MRTFA: variants seen among roughly 807,000 people sequenced by gnomAD.
MRTFA encodes myocardin related transcription factor A.
MRTFA carries 20 observed loss-of-function variants against 83.5 expected under a neutral mutation model. The observed-to-expected ratio is 0.24, with a 90% confidence interval of 0.17 to 0.35. The LOEUF (loss-of-function observed/expected upper bound fraction) is 0.35. Ranked by LOEUF, MRTFA falls within the 10% of genes least tolerant of loss-of-function variation. The pLI, the probability that MRTFA is intolerant of heterozygous loss-of-function variation, is 1.00. For missense variants in MRTFA, 1,200 were observed against 1,224.7 expected (o/e 0.98, Z 0.30); for synonymous variants, 659 against 541.2 (o/e 1.22, Z -3.02).
chr22:40,506,733 T>G (rs1202591410), intron 3 of MRTFA, among the ~76,000 whole-genome samples: 1 of 152,202 alleles, frequency 6.6e-6, no homozygotes, highest in South Asian at 2.1e-4. Flanking sequence ...TGTTTTTCTA[T>G]ATACCATGTC....
At chr22:40,436,484 A>G (rs1439270035) in intron 4 of MRTFA, among the ~76,000 whole-genome samples, 2 of 152,186 alleles carry the variant, frequency 1.3e-5, no homozygotes, top group Non-Finnish European at 2.9e-5. Flanking sequence ...GAACACACAC[A>G]ACCGACAGCT....
chr22:40,494,848 G>T (rs982726671), intron 3 of MRTFA, among the ~76,000 whole-genome samples: 1 of 152,136 alleles, frequency 6.6e-6, no homozygotes, highest in Non-Finnish European at 1.5e-5. Context: ...GCAGAAATCA[G>T]ATCAGTGATT....
At chr22:40,607,645 A>C (rs2056334027) in intron 1 of MRTFA, among the ~76,000 whole-genome samples, 1 of 152,252 alleles carries the variant, frequency 6.6e-6, no homozygotes, top group African/African-American at 2.4e-5. Flanking sequence ...AAGCCTTCCC[A>C]ACAGCTGAGC....
At chr22:40,429,224 A>G in intron 7 of MRTFA, 1 of 590,244 alleles carries the variant, frequency 1.7e-6, no homozygotes, top group Non-Finnish European at 3.0e-6. Flanking sequence ...AGTCTCCAAG[A>G]AGAGACTTCA....
At chr22:40,543,255 A>G (rs906247606) in intron 3 of MRTFA, among the ~76,000 whole-genome samples, 3 of 152,104 alleles carry the variant, frequency 2.0e-5, no homozygotes, top group African/African-American at 7.2e-5. Flanking sequence ...GAAACTGCCC[A>G]CTCAAAATTT....
intron 12 of MRTFA, chr22:40,417,717 G>C: frequency 1.8e-6 from 1 of 548,360 alleles, no homozygotes; most frequent in South Asian, 2.2e-5. Context: ...CTTGAGGTTT[G>C]GGAGAGGTCT....
intron 9 of MRTFA, 78 bp from the exon 10 acceptor site, chr22:40,421,178 C>T: frequency 1.4e-6 from 2 of 1,461,270 alleles, no homozygotes; most frequent in Non-Finnish European, 1.8e-6. Flanking sequence ...TCTCCCCACA[C>T]CTGTGTGGCT....
rs533030901 is a variant in MRTFA, at chr22:40,573,894, T to C, written c.-22+20780A>G. Among the ~76,000 whole-genome samples, 10 of 152,114 alleles carry C rather than the reference T, an allele frequency of 6.6e-5. No individual in the cohort carries two copies. The East Asian group carries it at 1.9e-3, about 29-fold the overall frequency. On this transcript the variant is annotated intron_variant, in intron 2 of 14. Transcript: ENST00000355630. ...GAGACCTATTTAAAAATAATAATAT[T>C]TTTACTACTGCATCAAGGATATTTT...
In MRTFA at chr22:40,583,302, C is replaced by G. The variant is rs191414295; in HGVS notation, c.-22+11372G>C. 5.9e-5 allele frequency among the ~76,000 whole-genome samples: 9 copies of G among 152,174 alleles called. No homozygotes were observed. In the East Asian group the frequency reaches 1.7e-3, roughly 29 times the overall value. ...AGCTCCCTATGATGACACTAGGGGC[C>G]CAGCTCACAAACTAGGCAGTCAGAA... is the stretch of plus-strand genomic sequence containing the variant. On this transcript the variant is annotated intron_variant, in intron 2 of 14. Coordinates refer to ENST00000355630, the MANE Select transcript of MRTFA (RefSeq NM_020831.6).
chr22:40,553,948 C>A (rs1035154664), intron 2 of MRTFA, among the ~76,000 whole-genome samples: 12 of 152,214 alleles, frequency 7.9e-5, no homozygotes, highest in Non-Finnish European at 1.2e-4. Flanking sequence ...TCAACATGAC[C>A]TGGATGTGAG....
chr22:40,418,471 G>A lies in MRTFA; in HGVS notation c.2267C>T (p.Pro756Leu). 6.2e-7 allele frequency: 1 copy of A among 1,613,682 alleles called. No homozygotes were observed. The highest frequency in any genetic ancestry group is 8.5e-7 in the Non-Finnish European group (1 of 1,179,762). ...CCCTGTGGAGTCGGTGATGAGGGTG[G>A]GAGGTGCAACCCCCTTGATGAGGCT... The change falls in exon 12 of 15, where the codon CCC (proline) becomes CTC (leucine). Residue 756 changes from proline (P) to leucine (L), a missense_variant. Physicochemically the swap from Pro to Leu is moderately conservative, Grantham distance 98. Transcript: ENST00000355630.
chr22:40,615,281 T>G (rs575332362), intron 1 of MRTFA, among the ~76,000 whole-genome samples: 1 of 152,348 alleles, frequency 6.6e-6, no homozygotes, highest in East Asian at 1.9e-4. Flanking sequence ...TTTGCGCTAT[T>G]GCTGAAAATC....
At chr22:40,414,125 G>A in intron 14 of MRTFA, among the ~76,000 whole-genome samples, 1 of 152,176 alleles carries the variant, frequency 6.6e-6, no homozygotes, top group African/African-American at 2.4e-5. Context: ...GACTGCCTGA[G>A]CTCAGGAGTT....
At chr22:40,575,680 T>C (rs764153227) in intron 2 of MRTFA, among the ~76,000 whole-genome samples, 4 of 152,238 alleles carry the variant, frequency 2.6e-5, no homozygotes, top group Non-Finnish European at 4.4e-5. Flanking sequence ...AGCACCATTA[T>C]TTTAGTCAAA....
At chr22:40,615,517 A>G (rs1302128082) in intron 1 of MRTFA, among the ~76,000 whole-genome samples, 1 of 152,144 alleles carries the variant, frequency 6.6e-6, no homozygotes, top group African/African-American at 2.4e-5. Context: ...TCCTGCTGAG[A>G]TTTTGGGGAA....
At chr22:40,421,951 A>G (rs910904654) in intron 9 of MRTFA, among the ~76,000 whole-genome samples, 2 of 152,250 alleles carry the variant, frequency 1.3e-5, no homozygotes, top group African/African-American at 4.8e-5. Flanking sequence ...AAGAACAGAC[A>G]AAGTGAACAT....
Position 40,421,044 on chromosome 22 carries a change from C to T in MRTFA, c.984G>A (p.Glu328=), listed in dbSNP as rs779215562. ...TGAGCTTCTTCACCTTTGGCTTCAG[C>T]TCCTTGGCCTTCTTGCTGCGCTGTG... Residue 328 remains glutamate (E), a synonymous_variant, in exon 10 of 15, where the codon GAG becomes GAA. Transcript: ENST00000355630. 3 of 1,567,972 alleles carry T rather than the reference C, an allele frequency of 1.9e-6. No homozygotes were observed. The highest frequency in any genetic ancestry group is 2.6e-6 in the Non-Finnish European group (3 of 1,155,044).
chr22:40,417,626 T>G, intron 12 of MRTFA, 133 bp from the exon 13 acceptor site: 10 of 649,832 alleles, frequency 1.5e-5, no homozygotes, highest in Non-Finnish European at 1.3e-5. Context: ...GCACTGGCTT[T>G]TAGGGAGCTT....
intron 2 of MRTFA, among the ~76,000 whole-genome samples, chr22:40,588,805 G>T (rs1258603993): frequency 6.6e-6 from 1 of 152,114 alleles, no homozygotes; most frequent in Admixed American, 6.5e-5. Context: ...AACATGGCGA[G>T]ACTCCATCTC....
Sources: gnomAD v4.1 joint callset for allele counts (sites outside exome capture counted in the v4.1 genomes callset) on GRCh38, gnomAD v4.1.1 for gene constraint, MANE v1.5 for transcripts, NCBI Gene and HGNC (gene_info 2026-07-23, HGNC 2026-07-21) for gene names.